The following XKR4 variants were observed in gnomAD, a reference collection of about 807,000 sequenced individuals.
The protein encoded by XKR4 is XK-related protein 4.
Under a neutral mutation model 53.9 loss-of-function variants are expected in XKR4, and 12 were observed. The ratio of observed to expected loss-of-function variants is 0.22; its 90% CI spans 0.14 to 0.36. The LOEUF (loss-of-function observed/expected upper bound fraction) is 0.36, where lower values mean the gene tolerates loss of function less well. XKR4 is among the 10% of genes least tolerant of loss of function. The pLI is 1.00. For missense variants in XKR4, 799 were observed against 859.5 expected, an observed-to-expected ratio of 0.93 and a Z score of 0.88; for synonymous variants, 354 against 362.4, an observed-to-expected ratio of 0.98 and a Z score of 0.26.
chr8:55,149,469 A>G (rs1351047938), intron 1 of XKR4, among the ~76,000 whole-genome samples: 2 of 152,348 alleles, frequency 1.3e-5, no homozygotes, highest in East Asian at 3.9e-4. Context: ...AAACAAAAGA[A>G]AAGAAGTGGG....
intron 2 of XKR4, among the ~76,000 whole-genome samples, chr8:55,481,936 C>A (rs888520988): frequency 3.9e-5 from 6 of 152,136 alleles, no homozygotes; most frequent in East Asian, 1.9e-4. Context: ...GAACACTTTT[C>A]CACTGTTGGT....
chr8:55,269,932 G>C (rs1818662744), intron 1 of XKR4, among the ~76,000 whole-genome samples: 1 of 152,208 alleles, frequency 6.6e-6, no homozygotes, highest in African/African-American at 2.4e-5. Flanking sequence ...TCAGGGAAGA[G>C]GTTAACTATG....
chr8:55,378,591 T>A (rs1054872758), intron 2 of XKR4, among the ~76,000 whole-genome samples: 4 of 152,188 alleles, frequency 2.6e-5, no homozygotes, highest in Non-Finnish European at 5.9e-5. Context: ...TCATAGACAT[T>A]GGTAATATTT....
chr8:55,415,784 C>T (rs752076080), intron 2 of XKR4, among the ~76,000 whole-genome samples: 3 of 152,212 alleles, frequency 2.0e-5, no homozygotes, highest in South Asian at 2.1e-4. Flanking sequence ...CATTGTCTTG[C>T]GAGTTAAAAA....
At chr8:55,304,248 C>A (rs1256862374) in intron 1 of XKR4, among the ~76,000 whole-genome samples, 1 of 152,168 alleles carries the variant, frequency 6.6e-6, no homozygotes, top group African/African-American at 2.4e-5. Flanking sequence ...GCCTTCATTT[C>A]GTTATGTACC....
rs117347881 is a variant in XKR4 at position 55,262,021 on chromosome 8, A to G, written c.807-95657A>G. 9.6e-3 allele frequency among the ~76,000 whole-genome samples: 1,464 copies of G among 152,298 alleles called. 19 individuals are homozygous for G. The highest frequency in any genetic ancestry group is 0.031 in the Middle Eastern group (9 of 294). On this transcript the variant is annotated intron_variant, in intron 1 of 2. Transcript: ENST00000327381. ...GAGAGCATTAAGTTGAGAAATTTCAATGAATAAGGTTGAGACGAACTTTTC... is the reference window on the plus strand; with the variant it reads ...GAGAGCATTAAGTTGAGAAATTTCAGTGAATAAGGTTGAGACGAACTTTTC...
intron 1 of XKR4, among the ~76,000 whole-genome samples, chr8:55,212,056 C>T (rs1223895469): frequency 6.7e-6 from 1 of 149,158 alleles, no homozygotes; most frequent in Non-Finnish European, 1.5e-5. Flanking sequence ...CAAAGACTTT[C>T]TGATTGGCAA....
chr8:55,452,794 T>G lies in XKR4; in HGVS notation c.1007-70487T>G, dbSNP rs932638585. ...CTCTCAGCCACACTGCCAGCCATGC[T>G]GTTGGGGACCAGGCTGTTGCTGGTG... On this transcript the variant is annotated intron_variant, in intron 2 of 2. Coordinates refer to ENST00000327381, the MANE Select transcript of XKR4 (RefSeq NM_052898.2). 6 of 784,002 alleles carry G rather than the reference T, an allele frequency of 7.7e-6. No individual in the cohort carries two copies. In the African/African-American group the frequency reaches 1.0e-4, roughly 13 times the overall value. 48.6% of individuals were successfully genotyped at this position (784,002 alleles called of 1,614,324 possible). A position where few individuals can be genotyped will look rare whatever the true frequency, so the allele number is the denominator to read the frequency against.
intron 2 of XKR4, among the ~76,000 whole-genome samples, chr8:55,459,718 A>C (rs1035826187): frequency 3.3e-5 from 5 of 152,194 alleles, no homozygotes; most frequent in African/African-American, 9.6e-5. Flanking sequence ...GGGAAAAGTA[A>C]ATTAAAAGCG....
At position 55,289,646 on chromosome 8, in the gene XKR4, AAAGGAAGG is replaced by A. The variant is rs770482436; in HGVS notation, c.807-68025_807-68018del. ...GAAAGAAAGAAAGAAAGAAAGAAAG[AAAGGAAGG>A]AAGGAAAAGAAAAGAAAAGAAAGAG... is the stretch of plus-strand genomic sequence containing the variant. On this transcript the variant is annotated intron_variant, in intron 1 of 2. Coordinates refer to ENST00000327381, the MANE Select transcript of XKR4 (RefSeq NM_052898.2). 9.2e-5 allele frequency among the ~76,000 whole-genome samples: 8 copies of A among 87,024 alleles called. No homozygotes were observed. The South Asian group carries it at 2.6e-3, about 28-fold the overall frequency. The allele number at this position is 87,024 out of a possible 152,430, so 57.1% of individuals were successfully genotyped here.
intron 1 of XKR4, among the ~76,000 whole-genome samples, chr8:55,129,718 T>A (rs1816528251): frequency 6.6e-6 from 1 of 152,118 alleles, no homozygotes; most frequent in South Asian, 2.1e-4. Context: ...TATTGTTATA[T>A]TTTACATGAG....
At chr8:55,144,487 C>T (rs1392023641) in intron 1 of XKR4, among the ~76,000 whole-genome samples, 1 of 152,136 alleles carries the variant, frequency 6.6e-6, no homozygotes, top group Non-Finnish European at 1.5e-5. Flanking sequence ...TATTCAGCTC[C>T]AGGCAACCGT....
At chr8:55,212,427 G>A (rs1032028408) in intron 1 of XKR4, among the ~76,000 whole-genome samples, 1 of 152,080 alleles carries the variant, frequency 6.6e-6, no homozygotes. Flanking sequence ...TGTCATGTTG[G>A]TATCTTATTG....
At chr8:55,160,497 G>A (rs1189093657) in intron 1 of XKR4, among the ~76,000 whole-genome samples, 1 of 152,188 alleles carries the variant, frequency 6.6e-6, no homozygotes, top group Non-Finnish European at 1.5e-5. Context: ...GCTAACTGCA[G>A]CTTTTGGCAA....
At position 55,296,623 on chromosome 8, in the gene XKR4, C is replaced by T. The variant is rs998852788; in HGVS notation, c.807-61055C>T. On this transcript the variant is annotated intron_variant, in intron 1 of 2. Transcript: ENST00000327381. ...AGTGCAAATTTAGAGAATTAATGAA[C>T]AACAAGGAACCAATTATGCATAAGT... Among the ~76,000 whole-genome samples, 10 of 152,112 alleles carry T rather than the reference C, an allele frequency of 6.6e-5. No individual in the cohort carries two copies. In the East Asian group the frequency reaches 1.9e-3, roughly 29 times the overall value.
rs1011009787 is a variant in XKR4, at chr8:55,525,559, A to T, written c.*1332A>T. On this transcript the variant is annotated 3_prime_UTR_variant, in exon 3 of 3. Transcript: ENST00000327381. ...ATCTGTAAAGTCGCACTCTTACAAC[A>T]AGCTTCTGGGTTTTAAATACCTCCG... 6 of 152,560 alleles carry T rather than the reference A, an allele frequency of 3.9e-5. No homozygotes were observed. Among genetic ancestry groups the T allele is most frequent in the Admixed American group, 1.3e-4 (2 of 15,280 alleles). The allele number at this position is 152,560 out of a possible 1,614,324, so 9.5% of individuals were successfully genotyped here.
chr8:55,534,363 CTTTTTTTTTTTT>C lies in XKR4; in HGVS notation c.*10153_*10164del, dbSNP rs1160872780. On this transcript the variant is annotated 3_prime_UTR_variant, in exon 3 of 3. Coordinates refer to ENST00000327381, the MANE Select transcript of XKR4 (RefSeq NM_052898.2). ...GCTCAAAGATCACGAATCTGATATT[CTTTTTTTTTTTT>C]TTTTTTTTTTTTTTTTGAGACAGAG... 5 of 47,162 alleles carry C rather than the reference CTTTTTTTTTTTT, an allele frequency of 1.1e-4. No individual in the cohort carries two copies. The East Asian group carries it at 2.6e-3, about 24-fold the overall frequency. The allele number at this position is 47,162 out of a possible 1,614,324, so 2.9% of individuals were successfully genotyped here.
intron 1 of XKR4, among the ~76,000 whole-genome samples, chr8:55,225,921 G>C (rs907115539): frequency 6.6e-6 from 1 of 152,200 alleles, no homozygotes; most frequent in African/African-American, 2.4e-5. Context: ...GAAGAGTATA[G>C]GAGGCATTTG....
intron 2 of XKR4, among the ~76,000 whole-genome samples, chr8:55,490,801 AGT>A (rs35349411): frequency 0.44 from 66,829 of 151,694 alleles, 16,153 homozygotes; most frequent in African/African-American, 0.65. Context: ...GAGTATGTAT[AGT>A]GTGTGTGTGT....
Sources: gnomAD v4.1 joint callset for allele counts (sites outside exome capture counted in the v4.1 genomes callset) on GRCh38, gnomAD v4.1.1 for gene constraint, MANE v1.5 for transcripts, NCBI Gene and HGNC (gene_info 2026-07-23, HGNC 2026-07-21) for gene names.